The following CNTNAP5 variants were observed in gnomAD, a reference collection of about 807,000 sequenced individuals.
The protein encoded by CNTNAP5 is contactin-associated protein-like 5.
Under a neutral mutation model 150.2 loss-of-function variants are expected in CNTNAP5, and 72 were observed. That is an observed-to-expected ratio of 0.48 (90% CI 0.40 to 0.58). The LOEUF (loss-of-function observed/expected upper bound fraction) is 0.58, where lower values mean the gene tolerates loss of function less well. Among genes scored for constraint, CNTNAP5 ranks in the 20% least tolerant of loss-of-function variants. CNTNAP5 has a pLI of 0.00. For missense variants in CNTNAP5, 1,636 were observed against 1,626.2 expected (o/e 1.01, Z -0.10); for synonymous variants, 672 against 619.8 (o/e 1.08, Z -1.25).
chr2:124,255,383 G>T lies in CNTNAP5; in HGVS notation c.381+12990G>T, dbSNP rs1228919522. On this transcript the variant is annotated intron_variant, in intron 3 of 23. Transcript: ENST00000682447. ...ACTAAAAATACAAAAATTTAGCCGG[G>T]TGTGGTGGTGTTCACCTGTAGTCCC... Among the ~76,000 whole-genome samples the T allele has an allele frequency of 3.3e-5, 5 of 151,958 alleles. No homozygotes were observed. The East Asian group carries it at 5.8e-4, about 18-fold the overall frequency.
chr2:124,878,888 G>C (rs1677913279), intron 21 of CNTNAP5, among the ~76,000 whole-genome samples: 1 of 151,772 alleles, frequency 6.6e-6, no homozygotes, highest in Admixed American at 6.6e-5. Context: ...TCACCATGTT[G>C]GCCAGGCTGA....
intron 13 of CNTNAP5, among the ~76,000 whole-genome samples, chr2:124,738,617 G>T (rs1680436061): frequency 6.6e-6 from 1 of 151,988 alleles, no homozygotes; most frequent in South Asian, 2.1e-4. Flanking sequence ...TGTAGTCCCA[G>T]CTACTCTAGA....
At chr2:124,395,155 A>G (rs1181637723) in intron 3 of CNTNAP5, among the ~76,000 whole-genome samples, 1 of 152,200 alleles carries the variant, frequency 6.6e-6, no homozygotes, top group African/African-American at 2.4e-5. Flanking sequence ...CTAAAAATAC[A>G]CATTCTTTTA....
chr2:124,808,358 T>C (rs1682125824), intron 19 of CNTNAP5, among the ~76,000 whole-genome samples: 1 of 152,084 alleles, frequency 6.6e-6, no homozygotes, highest in Non-Finnish European at 1.5e-5. Flanking sequence ...GTAATCTCAG[T>C]ACTTCAGGAG....
intron 1 of CNTNAP5, among the ~76,000 whole-genome samples, chr2:124,079,840 T>A (rs1682520920): frequency 6.6e-6 from 1 of 152,120 alleles, no homozygotes; most frequent in Non-Finnish European, 1.5e-5. Context: ...TCAATAATGC[T>A]CAAAATGCAT....
intron 1 of CNTNAP5, among the ~76,000 whole-genome samples, chr2:124,142,366 C>G (rs1684137119): frequency 6.6e-6 from 1 of 150,690 alleles, no homozygotes; most frequent in Non-Finnish European, 1.5e-5. Context: ...CACACCTATT[C>G]CAAAATTGAC....
intron 7 of CNTNAP5, among the ~76,000 whole-genome samples, chr2:124,499,938 G>C (rs2104858659): frequency 6.6e-6 from 1 of 152,208 alleles, no homozygotes; most frequent in East Asian, 1.9e-4. Flanking sequence ...ATGATCTGCA[G>C]ACCCAGGAAA....
Position 124,081,054 on chromosome 2 carries a change from C to G in CNTNAP5, c.82+55322C>G, listed in dbSNP as rs182709001. On this transcript the variant is annotated intron_variant, in intron 1 of 23. Coordinates refer to ENST00000682447, the MANE Select transcript of CNTNAP5 (RefSeq NM_001367498.1). The stretch of plus-strand genomic sequence containing the variant: ...TTCTTGTAGTCATAAATCATCTGGA[C>G]TTTTATTTGCTTATATTTTTCTTTG... 1.7e-3 allele frequency among the ~76,000 whole-genome samples: 265 copies of G among 152,188 alleles called. 2 individuals are homozygous for G. Among genetic ancestry groups the G allele is most frequent in the Middle Eastern group, 3.4e-3 (1 of 294 alleles).
At chr2:124,255,550 AAAAT>A (rs1338409687) in intron 3 of CNTNAP5, among the ~76,000 whole-genome samples, 5 of 108,898 alleles carry the variant, frequency 4.6e-5, no homozygotes, top group African/African-American at 1.8e-4. Flanking sequence ...AAAATAAAAT[AAAAT>A]AAAATAAAAT....
chr2:124,673,670 C>T (rs12467127), intron 13 of CNTNAP5, among the ~76,000 whole-genome samples: 43,257 of 150,896 alleles, frequency 0.29, 7,102 homozygotes, highest in Non-Finnish European at 0.37. Context: ...ATGGGCATTA[C>T]GTAATTTAAT....
intron 5 of CNTNAP5, among the ~76,000 whole-genome samples, chr2:124,440,773 C>T (rs897267390): frequency 4.6e-5 from 7 of 152,034 alleles, no homozygotes; most frequent in African/African-American, 1.7e-4. Flanking sequence ...TTTCCCTTAT[C>T]TATTTCTGTC....
intron 1 of CNTNAP5, among the ~76,000 whole-genome samples, chr2:124,086,188 C>A: frequency 1.2e-5 from 1 of 82,012 alleles, no homozygotes; most frequent in Admixed American, 1.5e-4. Context: ...GGTGTACACA[C>A]TTTTTTTTTT....
rs539595925 is a variant in CNTNAP5 at position 124,298,736 on chromosome 2, T to C, written c.381+56343T>C. Among the ~76,000 whole-genome samples the C allele has an allele frequency of 4.6e-5, 7 of 152,260 alleles. No homozygotes were observed. The South Asian group carries it at 1.5e-3, about 32-fold the overall frequency. Reference sequence around the variant, plus strand: ...CTTGTTTAATCCTAAGTGGGTCCTGTTAAGAATTCCTTCATTATCTTGTCA... The same window carrying C: ...CTTGTTTAATCCTAAGTGGGTCCTGCTAAGAATTCCTTCATTATCTTGTCA... On this transcript the variant is annotated intron_variant, in intron 3 of 23. Coordinates refer to ENST00000682447, the MANE Select transcript of CNTNAP5 (RefSeq NM_001367498.1).
Position 124,522,700 on chromosome 2 carries a change from A to T in CNTNAP5, c.1328-1603A>T, listed in dbSNP as rs1331510439. Among the ~76,000 whole-genome samples the T allele has an allele frequency of 2.6e-5, 4 of 151,498 alleles. No individual in the cohort carries two copies. In the East Asian group the frequency reaches 7.7e-4, roughly 29 times the overall value. Reference sequence around the variant, plus strand: ...GGATATTGTTTAAAGTCCTCCTGGTATGTGAGACCTCTGGGTGATTGGATC... The same window carrying T: ...GGATATTGTTTAAAGTCCTCCTGGTTTGTGAGACCTCTGGGTGATTGGATC... On this transcript the variant is annotated intron_variant, in intron 8 of 23. Transcript: ENST00000682447.
chr2:124,298,499 A>T (rs1222246230), intron 3 of CNTNAP5, among the ~76,000 whole-genome samples: 1 of 152,174 alleles, frequency 6.6e-6, no homozygotes, highest in Non-Finnish European at 1.5e-5. Flanking sequence ...GTCATAAGTG[A>T]TTAACTTCCT....
chr2:124,670,634 GGTGTTGC>G (rs1558728836), intron 13 of CNTNAP5, among the ~76,000 whole-genome samples: 4 of 6,784 alleles, frequency 5.9e-4, no homozygotes, highest in Admixed American at 3.9e-3. Context: ...CCACCTTAGA[GGTGTTGC>G]ACTTGTTGTT....
At chr2:124,240,670 A>G (rs376523770) in intron 2 of CNTNAP5, among the ~76,000 whole-genome samples, 2 of 150,458 alleles carry the variant, frequency 1.3e-5, no homozygotes, top group South Asian at 2.1e-4. Context: ...AAAAAAAAAA[A>G]GAAAAAAATC....
At chr2:124,751,005 A>G (rs1680714944) in intron 14 of CNTNAP5, among the ~76,000 whole-genome samples, 1 of 145,676 alleles carries the variant, frequency 6.9e-6, no homozygotes, top group Non-Finnish European at 1.5e-5. Context: ...AAAAAAAAAA[A>G]GTAGTGGCAA....
intron 1 of CNTNAP5, among the ~76,000 whole-genome samples, chr2:124,069,834 G>C (rs1314623747): frequency 6.6e-6 from 1 of 152,146 alleles, no homozygotes; most frequent in East Asian, 1.9e-4. Flanking sequence ...TGAGTGATAA[G>C]AAATTATTTG....
Sources: allele counts gnomAD v4.1 joint callset (sites outside exome capture counted in the v4.1 genomes callset), GRCh38; gene constraint gnomAD v4.1.1; transcripts MANE v1.5; gene names NCBI Gene and HGNC (gene_info 2026-07-23, HGNC 2026-07-21).